Variants in PDE4D observed in about 807,000 individuals in gnomAD.
PDE4D encodes the protein 3',5'-cyclic-AMP phosphodiesterase 4D.
Under a neutral mutation model 87.4 loss-of-function variants are expected in PDE4D, and 24 were observed. The observed-to-expected ratio is 0.27, with a 90% CI of 0.20 to 0.39. The LOEUF is 0.39. PDE4D is among the 10% of genes least tolerant of loss of function. The pLI is 1.00. For missense variants in PDE4D, 714 were observed against 1,041.0 expected (o/e 0.69, Z 4.32); for synonymous variants, 384 against 383.2 (o/e 1.00, Z -0.02).
intron 1 of PDE4D, among the ~76,000 whole-genome samples, chr5:60,284,530 C>T (rs1457619289): frequency 1.3e-5 from 2 of 152,152 alleles, no homozygotes; most frequent in Admixed American, 6.6e-5. Context: ...GTGTTATCTG[C>T]TTTTAGCTAA....
chr5:60,394,730 T>G (rs1271798148), intron 1 of PDE4D, among the ~76,000 whole-genome samples: 1 of 152,206 alleles, frequency 6.6e-6, no homozygotes, highest in East Asian at 1.9e-4. Flanking sequence ...AGACTTTCAG[T>G]TACCAGATAC....
At chr5:59,665,132 G>A (rs945168325) in intron 1 of PDE4D, among the ~76,000 whole-genome samples, 3 of 152,150 alleles carry the variant, frequency 2.0e-5, no homozygotes, top group African/African-American at 7.2e-5. Context: ...TCTTCCTAGG[G>A]TCTCCTGGGG....
rs575211128 is a variant in PDE4D at position 60,386,573 on chromosome 5, GC to G, written c.-90+101368del. On this transcript the variant is annotated intron_variant, in intron 1 of 16. Coordinates refer to the PDE4D transcript ENST00000502484. ...TTCCGTTCCTCTGCAGGGGGGTTCTGCCAGCTCCAGCACTGATGGGCAGAAA... is the reference window on the plus strand; with the variant it reads ...TTCCGTTCCTCTGCAGGGGGGTTCTGCAGCTCCAGCACTGATGGGCAGAAA... Among the ~76,000 whole-genome samples, 18 of 152,312 alleles carry G rather than the reference GC, an allele frequency of 1.2e-4. No homozygotes were observed. The South Asian group carries it at 3.5e-3, about 30-fold the overall frequency.
intron 1 of PDE4D, among the ~76,000 whole-genome samples, chr5:59,652,163 G>A (rs920190): frequency 0.36 from 54,049 of 151,860 alleles, 10,002 homozygotes; most frequent in Non-Finnish European, 0.39. Context: ...TCCCAAGAAC[G>A]GTCTCATATA....
chr5:59,215,477 T>C, intron 2 of PDE4D: 1 of 336,812 alleles, frequency 3.0e-6, no homozygotes, highest in Non-Finnish European at 5.5e-6. Context: ...AAGCTAATGA[T>C]TTAAGTGTTA....
rs551161716 is a variant in PDE4D, at chr5:59,012,487, A to G, written c.922-19022T>C. ...ACCAAGCAAATAGAAAACAAAAAAA[A>G]GCAGGGGTTGCAATCCTAGTCTCTG... On this transcript the variant is annotated intron_variant, in intron 6 of 14. Transcript: ENST00000340635. Among the ~76,000 whole-genome samples, 6 of 152,290 alleles carry G rather than the reference A, an allele frequency of 3.9e-5. No homozygotes were observed. In the East Asian group the frequency reaches 1.2e-3, roughly 29 times the overall value.
chr5:59,388,724 A>G (rs2591749), intron 1 of PDE4D, among the ~76,000 whole-genome samples: 44,886 of 151,766 alleles, frequency 0.3, 9,113 homozygotes, highest in African/African-American at 0.58. Flanking sequence ...GATAGAATGG[A>G]CATCAAGGGT....
intron 1 of PDE4D, among the ~76,000 whole-genome samples, chr5:60,246,396 G>A (rs1208291365): frequency 6.6e-6 from 1 of 151,474 alleles, no homozygotes; most frequent in African/African-American, 2.4e-5. Context: ...ATCTTCCTGT[G>A]CTCTCCTTCT....
intron 2 of PDE4D, among the ~76,000 whole-genome samples, chr5:60,088,153 A>T (rs1345922640): frequency 6.6e-6 from 1 of 150,964 alleles, no homozygotes; most frequent in East Asian, 1.9e-4. Flanking sequence ...TATACCCAGG[A>T]AAACTATCCT....
chr5:60,446,468 TG>T (rs1334706128), intron 1 of PDE4D, among the ~76,000 whole-genome samples: 1 of 152,016 alleles, frequency 6.6e-6, no homozygotes, highest in African/African-American at 2.4e-5. Flanking sequence ...GTTCGTTAAA[TG>T]GGGGGGAAAA....
At chr5:60,277,380 T>C (rs1234117321) in intron 1 of PDE4D, among the ~76,000 whole-genome samples, 3 of 152,136 alleles carry the variant, frequency 2.0e-5, no homozygotes, top group Admixed American at 1.3e-4. Flanking sequence ...AAAAATCTGT[T>C]AGAATTAATA....
chr5:59,564,691 T>C (rs971204440), intron 1 of PDE4D, among the ~76,000 whole-genome samples: 8 of 152,054 alleles, frequency 5.3e-5, no homozygotes, highest in African/African-American at 1.7e-4. Context: ...TCCAAGTAGG[T>C]GGCAGGTAGG....
At chr5:59,881,491 C>A (rs1467273742) in intron 1 of PDE4D, among the ~76,000 whole-genome samples, 2 of 152,066 alleles carry the variant, frequency 1.3e-5, no homozygotes, top group Non-Finnish European at 2.9e-5. Flanking sequence ...CATTTGTAAA[C>A]TGAAGTGTCT....
At chr5:59,058,513 A>G (rs1351100708) in intron 5 of PDE4D, among the ~76,000 whole-genome samples, 1 of 152,168 alleles carries the variant, frequency 6.6e-6, no homozygotes, top group Admixed American at 6.5e-5. Flanking sequence ...TGCCTGTTAT[A>G]CCAGTGTAAT....
At chr5:59,082,072 T>G (rs1177110600) in intron 5 of PDE4D, among the ~76,000 whole-genome samples, 1 of 152,180 alleles carries the variant, frequency 6.6e-6, no homozygotes, top group African/African-American at 2.4e-5. Context: ...TCCCCAGCCA[T>G]GCAGAACTGT....
At chr5:59,820,552 A>C (rs1769518287) in intron 1 of PDE4D, among the ~76,000 whole-genome samples, 1 of 152,242 alleles carries the variant, frequency 6.6e-6, no homozygotes, top group African/African-American at 2.4e-5. Flanking sequence ...TTTTACCCAC[A>C]TTCAGATAGG....
chr5:60,496,015 C>T (rs955860086), intron 1 of PDE4D, among the ~76,000 whole-genome samples: 5 of 152,202 alleles, frequency 3.3e-5, no homozygotes, highest in Non-Finnish European at 5.9e-5. Context: ...CCAACTTTGG[C>T]ACAGTATCAG....
rs55708737 is a variant in PDE4D, at chr5:59,917,040, G to A, written c.272+71448C>T. Among the ~76,000 whole-genome samples the A allele has an allele frequency of 5.3e-3, 739 of 140,416 alleles. 3 individuals carry two copies. The highest frequency in any genetic ancestry group is 0.019 in the African/African-American group (711 of 36,666). 92.1% of individuals were successfully genotyped at this position (140,416 alleles called of 152,430 possible). ...GCTGGTCTTGAACTATTGGTCTCAA[G>A]TGATCCATCTGCCTCGGGCTCCCAA... On this transcript the variant is annotated intron_variant, in intron 3 of 16. Coordinates refer to the PDE4D transcript ENST00000502484.
intron 1 of PDE4D, among the ~76,000 whole-genome samples, chr5:60,322,006 G>A (rs559933217): frequency 1.8e-4 from 28 of 151,868 alleles, no homozygotes; most frequent in African/African-American, 6.8e-4. Context: ...TAATTTCTCC[G>A]AGAAATTAAG....
Sources: gnomAD v4.1 joint callset for allele counts (sites outside exome capture counted in the v4.1 genomes callset) on GRCh38, gnomAD v4.1.1 for gene constraint, MANE v1.5 for transcripts, NCBI Gene and HGNC (gene_info 2026-07-23, HGNC 2026-07-21) for gene names.